MGAT5: variants seen among roughly 807,000 people sequenced by gnomAD.
MGAT5 encodes alpha-1,6-mannosylglycoprotein 6-beta-N-acetylglucosaminyltransferase A.
MGAT5 carries 30 observed loss-of-function variants against 94.3 expected under a neutral mutation model. The observed-to-expected ratio is 0.32, with a 90% CI of 0.24 to 0.43. The LOEUF is 0.43. Ranked by LOEUF, MGAT5 falls within the 20% of genes least tolerant of loss-of-function variation. MGAT5 has a pLI of 1.00. For synonymous variants in MGAT5, 310 were observed against 322.9 expected, an observed-to-expected ratio of 0.96 and a Z score of 0.43; for missense variants, 691 against 905.5, an observed-to-expected ratio of 0.76 and a Z score of 3.04.
chr2:134,382,310 T>C (rs1036442463), intron 10 of MGAT5, among the ~76,000 whole-genome samples: 4 of 152,088 alleles, frequency 2.6e-5, no homozygotes, highest in African/African-American at 9.7e-5. Context: ...AGATCAGATC[T>C]CTGACATTGT....
chr2:134,233,451 T>C (rs1436708174), intron 1 of MGAT5, among the ~76,000 whole-genome samples: 1 of 152,216 alleles, frequency 6.6e-6, no homozygotes, highest in Non-Finnish European at 1.5e-5. Context: ...TTTTTATCAG[T>C]TACAGTAACA....
chr2:134,346,057 C>T (rs1056690977), intron 8 of MGAT5, among the ~76,000 whole-genome samples: 1 of 152,122 alleles, frequency 6.6e-6, no homozygotes, highest in Non-Finnish European at 1.5e-5. Context: ...CAAGATAGTG[C>T]TCTACCTTTT....
chr2:134,258,121 G>T (rs192210324), intron 1 of MGAT5, among the ~76,000 whole-genome samples: 199 of 152,190 alleles, frequency 1.3e-3, no homozygotes, highest in African/African-American at 4.5e-3. Flanking sequence ...TTCCAAGGCA[G>T]CAGGGCTCGG....
intron 8 of MGAT5, among the ~76,000 whole-genome samples, chr2:134,349,451 C>T (rs1010300236): frequency 6.6e-6 from 1 of 152,174 alleles, no homozygotes; most frequent in Non-Finnish European, 1.5e-5. Flanking sequence ...TGATTAGACA[C>T]CTACTGTGTG....
intron 14 of MGAT5, among the ~76,000 whole-genome samples, chr2:134,440,204 G>T (rs1685408234): frequency 6.6e-6 from 1 of 152,118 alleles, no homozygotes; most frequent in Non-Finnish European, 1.5e-5. Flanking sequence ...TTGGTAGGGG[G>T]TGCCATATTC....
intron 1 of MGAT5, among the ~76,000 whole-genome samples, chr2:134,201,578 C>G (rs1679785636): frequency 6.6e-6 from 1 of 152,102 alleles, no homozygotes; most frequent in Non-Finnish European, 1.5e-5. Flanking sequence ...TGGTTCCAGA[C>G]AGGGTGAAAC....
At chr2:134,229,658 CA>C (rs1249273202) in intron 1 of MGAT5, among the ~76,000 whole-genome samples, 1 of 152,140 alleles carries the variant, frequency 6.6e-6, no homozygotes, top group African/African-American at 2.4e-5. Context: ...ACTGGACAGA[CA>C]TGGATGAAAT....
chr2:134,443,601 C>A (rs1202858067), intron 15 of MGAT5, among the ~76,000 whole-genome samples: 1 of 152,180 alleles, frequency 6.6e-6, no homozygotes, highest in Non-Finnish European at 1.5e-5. Flanking sequence ...GGGCTTGGGG[C>A]GGCACCCTGC....
chr2:134,379,584 G>C (rs148989159), intron 10 of MGAT5, among the ~76,000 whole-genome samples: 18 of 152,338 alleles, frequency 1.2e-4, no homozygotes, highest in Admixed American at 3.9e-4. Flanking sequence ...TTCTGTGGGT[G>C]AGTGCTGCCT....
At position 134,191,731 on chromosome 2, in the gene MGAT5, C is replaced by CCCT. The variant is rs530032788; in HGVS notation, c.-142-62512_-142-62510dup. Among the ~76,000 whole-genome samples the CCCT allele has an allele frequency of 1.2e-3, 171 of 139,382 alleles. 2 individuals carry two copies. The highest frequency in any genetic ancestry group is 2.5e-3 in the African/African-American group (91 of 37,018). 91.4% of individuals were successfully genotyped at this position (139,382 alleles called of 152,430 possible). Reference sequence around the variant, plus strand: ...TTCCTGATGGGAGGGTGGGTTCGCGCCCTCCTCCTCCTCCTCCTCCTTGCG... The same window carrying CCCT: ...TTCCTGATGGGAGGGTGGGTTCGCGCCCTCCTCCTCCTCCTCCTCCTCCTTGCG... On this transcript the variant is annotated intron_variant, in intron 1 of 16. Transcript: ENST00000409645.
At chr2:134,137,888 C>CTTTTCT (rs1553483800) in intron 1 of MGAT5, among the ~76,000 whole-genome samples, 95 of 126,802 alleles carry the variant, frequency 7.5e-4, no homozygotes, top group South Asian at 3.6e-3. Flanking sequence ...CCTTTCTTTT[C>CTTTTCT]TTTTTTTTTT....
chr2:134,362,605 T>C (rs1311815878), intron 10 of MGAT5, among the ~76,000 whole-genome samples, 197 bp downstream of exon 10: 1 of 152,242 alleles, frequency 6.6e-6, no homozygotes, highest in East Asian at 1.9e-4. Context: ...GCTCTTCTGA[T>C]AGTGGCTGTA....
intron 10 of MGAT5, among the ~76,000 whole-genome samples, chr2:134,379,604 C>T (rs1002848852): frequency 1.3e-5 from 2 of 152,210 alleles, no homozygotes; most frequent in Admixed American, 6.5e-5. Context: ...TCTGATGGGA[C>T]AGAGGTTTTT....
intron 10 of MGAT5, among the ~76,000 whole-genome samples, chr2:134,380,328 C>G (rs1681458608): frequency 1.3e-5 from 2 of 152,204 alleles, no homozygotes; most frequent in Non-Finnish European, 2.9e-5. Context: ...TAGTTACTAT[C>G]TTTTATTTGC....
chr2:134,197,228 C>T (rs1464071777), intron 1 of MGAT5, among the ~76,000 whole-genome samples: 1 of 152,160 alleles, frequency 6.6e-6, no homozygotes, highest in Non-Finnish European at 1.5e-5. Flanking sequence ...CTTCCAAGCC[C>T]TTAGGAGTTG....
chr2:134,440,843 G>A (rs1685448849), intron 14 of MGAT5, among the ~76,000 whole-genome samples: 1 of 152,070 alleles, frequency 6.6e-6, no homozygotes, highest in Admixed American at 6.5e-5. Flanking sequence ...CACCACAACT[G>A]CCGTCACTCA....
intron 1 of MGAT5, among the ~76,000 whole-genome samples, chr2:134,161,612 T>C (rs977441435): frequency 6.6e-6 from 1 of 152,196 alleles, no homozygotes; most frequent in Non-Finnish European, 1.5e-5. Context: ...TGGTGTGGTC[T>C]GGAAGAATAG....
At chr2:134,269,743 G>C (rs2105628179) in intron 1 of MGAT5, among the ~76,000 whole-genome samples, 1 of 152,320 alleles carries the variant, frequency 6.6e-6, no homozygotes, top group East Asian at 1.9e-4. Flanking sequence ...AACGATGAGA[G>C]TATATCCCCA....
At chr2:134,131,088 G>A (rs1311814754) in intron 1 of MGAT5, among the ~76,000 whole-genome samples, 2 of 152,150 alleles carry the variant, frequency 1.3e-5, no homozygotes, top group African/African-American at 4.8e-5. Flanking sequence ...CACTCTTTGG[G>A]TCCACACTGC....
Sources: gnomAD v4.1 joint callset for allele counts (sites outside exome capture counted in the v4.1 genomes callset) on GRCh38, gnomAD v4.1.1 for gene constraint, MANE v1.5 for transcripts, NCBI Gene and HGNC (gene_info 2026-07-23, HGNC 2026-07-21) for gene names.